TALDO1: variants seen among roughly 807,000 people sequenced by gnomAD.
The protein encoded by TALDO1 is transaldolase 1.
TALDO1 carries 29 observed loss-of-function variants against 38.1 expected under a neutral mutation model. That is an observed-to-expected ratio of 0.76 (90% CI 0.57 to 1.04). The LOEUF is 1.04. Among genes scored for constraint, TALDO1 ranks in the 50% least tolerant of loss-of-function variants. The pLI is 0.00. For missense variants in TALDO1, 499 were observed against 438.1 expected, an observed-to-expected ratio of 1.14 and a Z score of -1.24; for synonymous variants, 207 against 176.8, an observed-to-expected ratio of 1.17 and a Z score of -1.36.
At position 763,943 on chromosome 11, in the gene TALDO1, G is replaced by A. The variant is rs181231454; in HGVS notation, c.834G>A (p.Ala278=). The change falls in exon 6 of 8, where the codon GCG becomes GCA. Residue 278 remains alanine (A), a splice_region_variant and synonymous_variant. Transcript: ENST00000319006. ...TGGTGCCTGTGCTCTCAGCCAAGGC[G>A]GGTGAGGCCCCACTGCCCAGCTGTG... The part of the protein sequence containing the change: ...AKLVPVLSAK[A]AQASDLEKIH... 19 of 1,607,842 alleles carry A rather than the reference G, an allele frequency of 1.2e-5. No individual in the cohort carries two copies. Among genetic ancestry groups the A allele is most frequent in the East Asian group, 8.9e-5 (4 of 44,878 alleles).
intron 1 of TALDO1, among the ~76,000 whole-genome samples, chr11:751,026 TTTAAGAA>T (rs768494498): frequency 6.6e-6 from 1 of 152,154 alleles, no homozygotes; most frequent in Non-Finnish European, 1.5e-5. Context: ...AAACAATAGT[TTTAAGAA>T]TAAAGAATCC....
chr11:757,202 G>A (rs1423099590), intron 2 of TALDO1, among the ~76,000 whole-genome samples: 1 of 152,030 alleles, frequency 6.6e-6, no homozygotes, highest in African/African-American at 2.4e-5. Flanking sequence ...TGAGGCCTTG[G>A]TGCTCCTGTT....
At chr11:764,714 C>A (rs1487882581) in intron 7 of TALDO1, 99 bp from the exon 8 acceptor site, 11 of 1,583,080 alleles carry the variant, frequency 6.9e-6, no homozygotes, top group Non-Finnish European at 8.7e-6. Context: ...AGAGTGCAGA[C>A]CCCACAAGGG....
At chr11:753,424 G>A (rs551534940) in intron 1 of TALDO1, among the ~76,000 whole-genome samples, 7 of 152,074 alleles carry the variant, frequency 4.6e-5, no homozygotes, top group Non-Finnish European at 1.0e-4. Context: ...CCAGCTACTC[G>A]GGAGGCTGAG....
chr11:752,772 C>T (rs560077909), intron 1 of TALDO1, among the ~76,000 whole-genome samples: 45 of 152,272 alleles, frequency 3.0e-4, no homozygotes, highest in Non-Finnish European at 2.2e-4. Context: ...TCCCTTACTT[C>T]TGTGATCTGC....
chr11:761,436 G>C (rs1862922665), intron 4 of TALDO1, among the ~76,000 whole-genome samples: 1 of 151,962 alleles, frequency 6.6e-6, no homozygotes, highest in Non-Finnish European at 1.5e-5. Context: ...GGGAAGTTGA[G>C]GTTCCAGTAG....
In TALDO1 at chr11:747,541, G is replaced by C. The variant is rs1013202184; in HGVS notation, c.60G>C (p.Gln20His). The C allele has an allele frequency of 1.3e-6, 2 of 1,597,024 alleles. No homozygotes were observed. The highest frequency in any genetic ancestry group is 1.7e-6 in the Non-Finnish European group (2 of 1,173,752). Reference sequence around the variant, plus strand: ...AGTCCGCGCTGGACCAGCTCAAGCAGTTCACCACCGTGGTGGCCGACACGG... The same window carrying C: ...AGTCCGCGCTGGACCAGCTCAAGCACTTCACCACCGTGGTGGCCGACACGG... ...RMESALDQLK[Q>H]FTTVVADTGD... The change falls in exon 1 of 8, where the codon CAG becomes CAC. Residue 20 changes from glutamine (Q) to histidine (H), a missense_variant. Physicochemically the swap from Gln to His is conservative, Grantham distance 24. Coordinates refer to ENST00000319006, the MANE Select transcript of TALDO1 (RefSeq NM_006755.2).
intron 1 of TALDO1, among the ~76,000 whole-genome samples, chr11:753,618 T>A (rs1165899685): frequency 6.6e-6 from 1 of 150,394 alleles, no homozygotes; most frequent in Non-Finnish European, 1.5e-5. Context: ...CAGCTACTCA[T>A]GGGGCTGAGG....
At chr11:748,296 C>G (rs1448321066) in intron 1 of TALDO1, among the ~76,000 whole-genome samples, 2 of 152,220 alleles carry the variant, frequency 1.3e-5, no homozygotes, top group African/African-American at 4.8e-5. Flanking sequence ...TGGACAGCCA[C>G]CGCCAGACGC....
intron 1 of TALDO1, among the ~76,000 whole-genome samples, chr11:751,131 C>T (rs1041528587): frequency 2.0e-5 from 3 of 152,024 alleles, no homozygotes; most frequent in South Asian, 4.1e-4. Flanking sequence ...TGGTGCAACA[C>T]GGCTAACTGC....
At chr11:760,380 C>A in intron 4 of TALDO1, 127 bp downstream of exon 4, 1 of 1,437,198 alleles carries the variant, frequency 7.0e-7, no homozygotes, top group Non-Finnish European at 9.6e-7. Flanking sequence ...GCACAGCCCA[C>A]AGCTTGGACT....
At chr11:748,883 G>GT (rs1862704140) in intron 1 of TALDO1, among the ~76,000 whole-genome samples, 2 of 152,314 alleles carry the variant, frequency 1.3e-5, no homozygotes, top group South Asian at 4.1e-4. Flanking sequence ...CTGCTGCTCA[G>GT]TTTTTTCCCT....
intron 4 of TALDO1, among the ~76,000 whole-genome samples, chr11:761,358 A>G (rs907199228): frequency 2.0e-5 from 3 of 150,972 alleles, no homozygotes; most frequent in Non-Finnish European, 4.4e-5. Flanking sequence ...AAAAAAGAAA[A>G]GAAAAACTAG....
chr11:762,421 C>T (rs927668430), intron 4 of TALDO1, among the ~76,000 whole-genome samples: 1 of 151,746 alleles, frequency 6.6e-6, no homozygotes, highest in Non-Finnish European at 1.5e-5. Flanking sequence ...TATGCTGCTG[C>T]TCTGAACACA....
At chr11:762,547 T>C (rs1266159799) in intron 4 of TALDO1, among the ~76,000 whole-genome samples, 3 of 152,230 alleles carry the variant, frequency 2.0e-5, no homozygotes, top group Non-Finnish European at 4.4e-5. Flanking sequence ...GGGTGACTGC[T>C]GGAGGAACTG....
At chr11:762,029 T>G (rs908059594) in intron 4 of TALDO1, among the ~76,000 whole-genome samples, 18 of 152,110 alleles carry the variant, frequency 1.2e-4, no homozygotes, top group African/African-American at 4.1e-4. Flanking sequence ...GCAATGGTGC[T>G]ATCTCAGCTC....
At chr11:760,017 G>A (rs1239190074) in intron 3 of TALDO1, 105 bp from the exon 4 acceptor site, 9 of 1,526,620 alleles carry the variant, frequency 5.9e-6, no homozygotes, top group South Asian at 3.5e-5. Context: ...TGGTGCTCAC[G>A]GTGGTGCTGC....
rs377602884 is a variant in TALDO1 at position 764,904 on chromosome 11, C to T, written c.*59C>T. 29 of 1,608,148 alleles carry T rather than the reference C, an allele frequency of 1.8e-5. No individual in the cohort carries two copies. The highest frequency in any genetic ancestry group is 1.6e-4 in the African/African-American group (12 of 74,800). On this transcript the variant is annotated 3_prime_UTR_variant, in exon 8 of 8. Coordinates refer to ENST00000319006, the MANE Select transcript of TALDO1 (RefSeq NM_006755.2). ...GCCGGCCAGCTGGGATCTGACTGCA[C>T]GTGGCTTCTGATGAATCTTGCGTTT...
At chr11:760,514 C>A (rs73409138) in intron 4 of TALDO1, 144 of 479,148 alleles carry the variant, frequency 3.0e-4, no homozygotes, top group African/African-American at 2.5e-3. Flanking sequence ...GAAGAAAAGC[C>A]ACTAGTTAGC....
Sources: gnomAD v4.1 joint callset for allele counts (sites outside exome capture counted in the v4.1 genomes callset) on GRCh38, gnomAD v4.1.1 for gene constraint, MANE v1.5 for transcripts, NCBI Gene and HGNC (gene_info 2026-07-23, HGNC 2026-07-21) for gene names.